PARP9: variants seen among roughly 807,000 people sequenced by gnomAD.
The protein encoded by PARP9 is poly(ADP-ribose) polymerase family member 9, also known as protein mono-ADP-ribosyltransferase PARP9.
In PARP9, 48 loss-of-function variants were observed where a neutral mutation model predicts 68.8. The observed-to-expected ratio is 0.70, with a 90% CI of 0.55 to 0.89. The LOEUF (loss-of-function observed/expected upper bound fraction) is 0.89. Ranked by LOEUF, PARP9 falls within the 40% of genes least tolerant of loss-of-function variation. The probability of loss-of-function intolerance (pLI) is 0.00; values close to 1 mark genes in which losing one functional copy is unlikely to be tolerated. For missense variants in PARP9, 806 were observed against 969.3 expected (o/e 0.83, Z 2.24); for synonymous variants, 309 against 333.8 (o/e 0.93, Z 0.81).
chr3:122,552,960 T>C (rs7643315), intron 4 of PARP9, among the ~76,000 whole-genome samples: 81,663 of 151,976 alleles, frequency 0.54, 22,781 homozygotes, highest in East Asian at 0.79. Flanking sequence ...TTGTTTTAAG[T>C]TCTGTCGATA....
At chr3:122,546,087 A>G (rs555897052) in intron 6 of PARP9, 16 of 152,454 alleles carry the variant, frequency 1.0e-4, no homozygotes, top group Non-Finnish European at 1.5e-5. Flanking sequence ...TAGAAATAAC[A>G]CATCTCACTT....
At chr3:122,533,814 T>C in intron 10 of PARP9, 1 of 985,326 alleles carries the variant, frequency 1.0e-6, no homozygotes, top group Non-Finnish European at 1.2e-6. Context: ...AAAATAAAGG[T>C]TTGTTAACAG....
chr3:122,533,583 G>T, intron 10 of PARP9: 2 of 664,214 alleles, frequency 3.0e-6, no homozygotes, highest in Non-Finnish European at 3.7e-6. Flanking sequence ...ATTATAAATT[G>T]TAAGGGCAAG....
chr3:122,552,723 C>A, intron 4 of PARP9, 84 bp from the exon 5 acceptor site: 2 of 1,014,062 alleles, frequency 2.0e-6, no homozygotes, highest in South Asian at 1.6e-5. Context: ...CCCTGAAGAG[C>A]TTTGAAAAAT....
intron 10 of PARP9, among the ~76,000 whole-genome samples, chr3:122,529,910 T>C (rs1222092152): frequency 1.3e-5 from 2 of 151,216 alleles, no homozygotes; most frequent in African/African-American, 4.9e-5. Flanking sequence ...AAATATGTCA[T>C]CTGGGCCCGG....
At position 122,543,174 on chromosome 3, in the gene PARP9, G is replaced by T. The variant is rs1037749203; in HGVS notation, c.1384+2258C>A. Among the ~76,000 whole-genome samples, 4 of 152,218 alleles carry T rather than the reference G, an allele frequency of 2.6e-5. No homozygotes were observed. In the South Asian group the frequency reaches 8.3e-4, roughly 32 times the overall value. ...GATCCACTTGCCTCGGCCTCCCAAA[G>T]TGCTGGGATTACAGGCATGAGCCAC... is the stretch of plus-strand genomic sequence containing the variant. On this transcript the variant is annotated intron_variant, in intron 7 of 10. Transcript: ENST00000682323.
chr3:122,550,698 CTTCT>C lies in PARP9; in HGVS notation c.1208_1211del (p.Lys403ArgfsTer13). The C allele has an allele frequency of 6.2e-7, 1 of 1,614,092 alleles. No individual in the cohort carries two copies. The highest frequency in any genetic ancestry group is 8.5e-7 in the Non-Finnish European group (1 of 1,179,980). ...CAAACAAAATCTCTGCTGCTGTTTC[CTTCT>C]TTATTTCCATGTTTCCAGTCCCAAG... On this transcript the variant is annotated frameshift_variant, in exon 6 of 11. Transcript: ENST00000682323. LOFTEE classifies it high-confidence loss of function.
rs539974001 is a variant in PARP9, at chr3:122,528,760, T to C, written c.2081-17A>G. 2.6e-6 allele frequency: 4 copies of C among 1,536,112 alleles called. No individual in the cohort carries two copies. The East Asian group carries it at 9.0e-5, about 35-fold the overall frequency. On this transcript the variant is annotated splice_polypyrimidine_tract_variant and intron_variant, in intron 10 of 10. Transcript: ENST00000682323. ...ATTTTGGATCTGATAAAGGAAAAAA[T>C]AAAATAAAAAGATTATTATAATCTG...
chr3:122,530,790 G>A (rs2077256578), intron 10 of PARP9, among the ~76,000 whole-genome samples: 2 of 151,994 alleles, frequency 1.3e-5, no homozygotes, highest in Admixed American at 1.3e-4. Flanking sequence ...CTTCCAGGCT[G>A]AGTGGCTCAT....
At chr3:122,562,364 G>A (rs1368056165) in intron 1 of PARP9, among the ~76,000 whole-genome samples, 4 of 124,182 alleles carry the variant, frequency 3.2e-5, no homozygotes, top group Non-Finnish European at 7.0e-5. Context: ...TTTTTTTTTT[G>A]TATTTTTTTT....
In PARP9 at chr3:122,552,656, G is replaced by C. The variant is rs772040873; in HGVS notation, c.886-17C>G. ...TACATCTGCCTGAAAAGGGAAGAAAGGGTAGGATTCATTGTTAAATTCCTT... is the reference window on the plus strand; with the variant it reads ...TACATCTGCCTGAAAAGGGAAGAAACGGTAGGATTCATTGTTAAATTCCTT... On this transcript the variant is annotated splice_polypyrimidine_tract_variant and intron_variant, in intron 4 of 10. Transcript: ENST00000682323. 1 of 1,553,664 alleles carries C rather than the reference G, an allele frequency of 6.4e-7. No individual in the cohort carries two copies. Among genetic ancestry groups the C allele is most frequent in the Non-Finnish European group, 8.9e-7 (1 of 1,126,490 alleles).
chr3:122,559,899 A>G (rs2080040091), intron 1 of PARP9, among the ~76,000 whole-genome samples, 190 bp from the exon 2 acceptor site: 1 of 152,248 alleles, frequency 6.6e-6, no homozygotes, highest in Non-Finnish European at 1.5e-5. Context: ...GAGAGGTTCC[A>G]GTGGAAATCA....
intron 7 of PARP9, among the ~76,000 whole-genome samples, chr3:122,541,716 T>C (rs1576399579): frequency 6.6e-6 from 1 of 152,352 alleles, no homozygotes; most frequent in East Asian, 1.9e-4. Flanking sequence ...AGAAAGATAC[T>C]AGTAGTTGTC....
In PARP9 at chr3:122,550,728, G is replaced by A; in HGVS notation, c.1182C>T (p.Ala394=). Residue 394 remains alanine (A), a synonymous_variant, in exon 6 of 11, where the codon GCC becomes GCT. Coordinates refer to ENST00000682323, the MANE Select transcript of PARP9 (RefSeq NM_001146105.2). ...EQNITSISFP[A]LGTGNMEIKK... is the part of the protein sequence containing the mutation. ...TTATTTCCATGTTTCCAGTCCCAAG[G>A]GCAGGAAAGGAAATGGAAGTTATAT... 1 of 1,614,014 alleles carries A rather than the reference G, an allele frequency of 6.2e-7. No homozygotes were observed. The highest frequency in any genetic ancestry group is 8.5e-7 in the Non-Finnish European group (1 of 1,179,984).
intron 1 of PARP9, 82 bp downstream of exon 1, chr3:122,564,163 G>A (rs1559895528): frequency 2.3e-5 from 11 of 474,152 alleles, no homozygotes; most frequent in East Asian, 3.7e-5. Flanking sequence ...ACCCGGGTCC[G>A]CGCCCGTCCC....
At chr3:122,534,144 A>T (rs2077483269) in intron 10 of PARP9, 1 of 854,088 alleles carries the variant, frequency 1.2e-6, no homozygotes, top group South Asian at 5.4e-5. Flanking sequence ...TCTTGAGTTG[A>T]AAGACTATAT....
rs2080478597 is a variant in PARP9, at chr3:122,564,134, AGGGAGGCC to A, written c.-90+103_-90+110del. On this transcript the variant is annotated intron_variant, in intron 1 of 10. Coordinates refer to ENST00000682323, the MANE Select transcript of PARP9 (RefSeq NM_001146105.2). ...ACTTTCTTTGCATAGTCTACTCACA[AGGGAGGCC>A]TGGCCCTGGGACCCGGGTCCGCGCC... 15 of 459,382 alleles carry A rather than the reference AGGGAGGCC, an allele frequency of 3.3e-5. 1 individual carries two copies. In the South Asian group the frequency reaches 5.1e-4, roughly 16 times the overall value. 28.5% of individuals were successfully genotyped at this position (459,382 alleles called of 1,614,324 possible).
chr3:122,539,995 C>T (rs369820121), intron 8 of PARP9, among the ~76,000 whole-genome samples: 2 of 152,314 alleles, frequency 1.3e-5, no homozygotes, highest in East Asian at 3.9e-4. Flanking sequence ...CTTGAGTGTA[C>T]CTCACATTAC....
chr3:122,540,574 G>A lies in PARP9; in HGVS notation c.1663C>T (p.Arg555Trp), dbSNP rs750484784. 38 of 1,614,078 alleles carry A rather than the reference G, an allele frequency of 2.4e-5. No individual in the cohort carries two copies. The highest frequency in any genetic ancestry group is 4.5e-5 in the East Asian group (2 of 44,888). The change falls in exon 8 of 11, where the codon CGG becomes TGG. Residue 555 changes from arginine to tryptophan, a missense_variant. Arg to Trp is a moderately radical substitution (Grantham distance 101). This residue lies in a region of PARP9 where 680 missense variants were observed against 858.8 expected (regional missense o/e 0.79). Coordinates refer to ENST00000682323, the MANE Select transcript of PARP9 (RefSeq NM_001146105.2). ...ATAACCACCTCAATGAGGTCAGCCCGGGCTCCTTCAATCTCTAACTCTGTC... is the reference window on the plus strand; with the variant it reads ...ATAACCACCTCAATGAGGTCAGCCCAGGCTCCTTCAATCTCTAACTCTGTC... The part of the protein sequence containing the change: ...GRTELEIEGA[R>W]ADLIEVVMNI...
Sources: gnomAD v4.1 joint callset for allele counts (sites outside exome capture counted in the v4.1 genomes callset) on GRCh38, gnomAD v4.1.1 for gene constraint, gnomAD v4.1.1 regional missense constraint, MANE v1.5 for transcripts, NCBI Gene and HGNC (gene_info 2026-07-23, HGNC 2026-07-21) for gene names.